Variants in FRMD3 observed in about 807,000 individuals in gnomAD.
FRMD3 encodes FERM domain containing 3.
FRMD3 carries 33 observed loss-of-function variants against 70.2 expected under a neutral mutation model. The ratio of observed to expected loss-of-function variants is 0.47; its 90% confidence interval spans 0.36 to 0.63. The LOEUF is 0.63. FRMD3 is among the 20% of genes least tolerant of loss of function. The probability of loss-of-function intolerance (pLI) is 0.00; values close to 1 mark genes in which losing one functional copy is unlikely to be tolerated. For synonymous variants in FRMD3, 279 were observed against 255.9 expected (o/e 1.09, Z -0.86); for missense variants, 632 against 711.4 (o/e 0.89, Z 1.27).
the FRMD3 span, among the ~76,000 whole-genome samples, chr9:83,549,005 T>C: frequency 6.6e-5 from 10 of 152,208 alleles, no homozygotes; most frequent in Non-Finnish European, 1.0e-4. Context: ...GTTACATAGA[T>C]AATCATGTGT....
At position 83,488,972 on chromosome 9, in the gene FRMD3, TTGTGTGTGTGTGTGTGTGTGTGTGTG is replaced by T. The variant is rs4014025; in HGVS notation, c.147+49087_147+49112del. Among the ~76,000 whole-genome samples, 11 of 135,640 alleles carry T rather than the reference TTGTGTGTGTGTGTGTGTGTGTGTGTG, an allele frequency of 8.1e-5. No homozygotes were observed. The East Asian group carries it at 2.0e-3, about 25-fold the overall frequency. 89.0% of individuals were successfully genotyped at this position (135,640 alleles called of 152,430 possible). ...AGCTGGAGCTTAGCCCCCTATACCT[TTGTGTGTGTGTGTGTGTGTGTGTGTG>T]TGTGTGTGTGTGTGTGTGCTTGTGT... On this transcript the variant is annotated intron_variant, in intron 1 of 13. Coordinates refer to ENST00000304195, the MANE Select transcript of FRMD3 (RefSeq NM_174938.6).
At chr9:83,457,057 G>A (rs992865937) in intron 1 of FRMD3, among the ~76,000 whole-genome samples, 7 of 152,130 alleles carry the variant, frequency 4.6e-5, no homozygotes, top group Admixed American at 1.3e-4. Flanking sequence ...TTGTTAAAAG[G>A]AAGGTGCTAT....
At chr9:83,497,503 A>C (rs1291606863) in intron 1 of FRMD3, among the ~76,000 whole-genome samples, 1 of 152,230 alleles carries the variant, frequency 6.6e-6, no homozygotes, top group East Asian at 1.9e-4. Context: ...AATGTATTTA[A>C]ATTTTTTGAG....
chr9:83,445,341 AATAG>A (rs56369819), intron 1 of FRMD3, among the ~76,000 whole-genome samples: 4,639 of 146,624 alleles, frequency 0.032, 112 homozygotes, highest in African/African-American at 0.073. Flanking sequence ...CTCAAAAATA[AATAG>A]ATAGATAGAT....
chr9:83,559,559 G>C, the FRMD3 span, among the ~76,000 whole-genome samples: 15 of 152,262 alleles, frequency 9.9e-5, no homozygotes, highest in African/African-American at 3.4e-4. Flanking sequence ...AAATGTAATT[G>C]TGTTAAGTTG....
intron 1 of FRMD3, among the ~76,000 whole-genome samples, chr9:83,478,420 A>G (rs1277484896): frequency 1.3e-5 from 2 of 152,184 alleles, no homozygotes; most frequent in Non-Finnish European, 2.9e-5. Flanking sequence ...TCACTAATCA[A>G]TTGGAAAAAT....
chr9:83,472,107 A>AT (rs35805464), intron 1 of FRMD3, among the ~76,000 whole-genome samples: 74,191 of 151,938 alleles, frequency 0.49, 18,456 homozygotes, highest in Middle Eastern at 0.58. Flanking sequence ...GAAAAACTCC[A>AT]TTCCCAGCCC....
At chr9:83,268,838 G>A (rs1473368269) in intron 13 of FRMD3, among the ~76,000 whole-genome samples, 3 of 152,180 alleles carry the variant, frequency 2.0e-5, no homozygotes, top group Non-Finnish European at 4.4e-5. Flanking sequence ...ACTCTCACAG[G>A]AGTTAGTTAA....
the FRMD3 span, among the ~76,000 whole-genome samples, chr9:83,571,365 A>G: frequency 6.6e-6 from 1 of 152,136 alleles, no homozygotes; most frequent in East Asian, 1.9e-4. Flanking sequence ...TTTTCTTTAT[A>G]AATTACGGAG....
At chr9:83,404,034 GCT>G (rs1166809704) in intron 1 of FRMD3, among the ~76,000 whole-genome samples, 2 of 150,964 alleles carry the variant, frequency 1.3e-5, no homozygotes, top group Non-Finnish European at 2.9e-5. Flanking sequence ...TAAAACAACT[GCT>G]CTGTGTGCAG....
chr9:83,464,248 C>G (rs1828056149), intron 1 of FRMD3, among the ~76,000 whole-genome samples: 1 of 152,192 alleles, frequency 6.6e-6, no homozygotes, highest in Admixed American at 6.5e-5. Flanking sequence ...GTGTTCTGAT[C>G]AGAGGCTGTA....
chr9:83,467,022 C>T (rs1231416691), intron 1 of FRMD3, among the ~76,000 whole-genome samples: 2 of 152,172 alleles, frequency 1.3e-5, no homozygotes, highest in African/African-American at 4.8e-5. Flanking sequence ...AACAGACACC[C>T]AGACCTAGGT....
intron 3 of FRMD3, among the ~76,000 whole-genome samples, chr9:83,352,630 G>A (rs990270214): frequency 2.0e-5 from 3 of 152,120 alleles, no homozygotes; most frequent in Non-Finnish European, 4.4e-5. Flanking sequence ...ACACTTGTGG[G>A]CCTTCTGAGT....
downstream of FRMD3, chr9:83,243,154 A>G: frequency 6.5e-7 from 1 of 1,545,386 alleles, no homozygotes; most frequent in Non-Finnish European, 8.7e-7. Context: ...GAACATGGAG[A>G]GCCAAGTCTT....
At chr9:83,573,318 A>G in the FRMD3 span, among the ~76,000 whole-genome samples, 2 of 152,196 alleles carry the variant, frequency 1.3e-5, no homozygotes, top group Non-Finnish European at 2.9e-5. Context: ...TAAAAAGCCT[A>G]TAGGCTAAGA....
intron 6 of FRMD3, among the ~76,000 whole-genome samples, chr9:83,328,190 A>AG (rs1456876454): frequency 1.3e-5 from 2 of 151,972 alleles, no homozygotes; most frequent in Admixed American, 6.6e-5. Context: ...GTAAAAAAAA[A>AG]AAAAAATGGT....
chr9:83,443,414 G>A (rs909479654), intron 1 of FRMD3, among the ~76,000 whole-genome samples: 14 of 152,302 alleles, frequency 9.2e-5, no homozygotes, highest in African/African-American at 3.4e-4. Flanking sequence ...CCTTGCGATA[G>A]TTTGCTCAGA....
chr9:83,248,889 T>G (rs934988772), intron 13 of FRMD3, among the ~76,000 whole-genome samples: 2 of 152,242 alleles, frequency 1.3e-5, no homozygotes, highest in Non-Finnish European at 2.9e-5. Context: ...CGATATATTA[T>G]AGTAAAACAA....
At chr9:83,290,547 G>GT in intron 13 of FRMD3, 56 bp downstream of exon 13, 2 of 1,609,008 alleles carry the variant, frequency 1.2e-6, no homozygotes, top group East Asian at 2.2e-5. Context: ...CGCCTCCCTT[G>GT]TTTTTTCCAG....
Sources: gnomAD v4.1 joint callset for allele counts (sites outside exome capture counted in the v4.1 genomes callset) on GRCh38, gnomAD v4.1.1 for gene constraint, MANE v1.5 for transcripts, NCBI Gene and HGNC (gene_info 2026-07-23, HGNC 2026-07-21) for gene names.